The following ARHGAP35 variants were observed in gnomAD, a reference collection of about 807,000 sequenced individuals.
ARHGAP35 encodes the protein Rho GTPase activating protein 35, also known as rho GTPase-activating protein 35.
Under a neutral mutation model 111.1 loss-of-function variants are expected in ARHGAP35, and 15 were observed. The ratio of observed to expected loss-of-function variants is 0.13; its 90% CI spans 0.09 to 0.21. The LOEUF is 0.21. Ranked by LOEUF, ARHGAP35 falls within the 10% of genes least tolerant of loss-of-function variation. The pLI, the probability that ARHGAP35 is intolerant of heterozygous loss-of-function variation, is 1.00. For missense variants in ARHGAP35, 1,262 were observed against 1,873.0 expected (o/e 0.67, Z 6.02); for synonymous variants, 643 against 710.3 (o/e 0.91, Z 1.51).
chr19:46,902,979 G>A (rs183474876), intron 1 of ARHGAP35, among the ~76,000 whole-genome samples: 38 of 152,296 alleles, frequency 2.5e-4, no homozygotes, highest in African/African-American at 9.1e-4. Flanking sequence ...GATTATATAT[G>A]TTTCTGTGCC....
At position 46,922,447 on chromosome 19, in the gene ARHGAP35, TG is replaced by T. The variant is rs2056209104; in HGVS notation, c.3681+93del. ...ATGATTTTTCAAGGACAACCTATTC[TG>T]GTAAAAAAAAAACTGCCCTGTGTGT... On this transcript the variant is annotated intron_variant, in intron 2 of 6. Coordinates refer to ENST00000672722, the MANE Select transcript of ARHGAP35 (RefSeq NM_004491.5). This position sits in a 1 kb window ranked among gnomAD's most constrained non-coding sequence, Gnocchi z 4.0. The T allele has an allele frequency of 7.8e-7, 1 of 1,287,760 alleles. No homozygotes were observed. Among genetic ancestry groups the T allele is most frequent in the East Asian group, 2.6e-5 (1 of 38,652 alleles). 79.8% of individuals were successfully genotyped at this position (1,287,760 alleles called of 1,614,324 possible). A position where few individuals can be genotyped will look rare whatever the true frequency, so the allele number is the denominator to read the frequency against.
Position 46,864,927 on chromosome 19 carries a change from T to C in ARHGAP35, c.-189+3718T>C, listed in dbSNP as rs2055847156. The stretch of plus-strand genomic sequence containing the variant: ...CTGTGTATGCAGTACTGCTTAAATG[T>C]GTGTCCCAGAGTTTTAATATCATTG... On this transcript the variant is annotated intron_variant, in intron 1 of 6. Coordinates refer to ENST00000672722, the MANE Select transcript of ARHGAP35 (RefSeq NM_004491.5). 1.3e-5 allele frequency among the ~76,000 whole-genome samples: 2 copies of C among 152,342 alleles called. 1 individual carries two copies. Among genetic ancestry groups the C allele is most frequent in the South Asian group, 4.1e-4 (2 of 4,826 alleles).
chr19:46,959,709 CT>C (rs2056465847), intron 3 of ARHGAP35, among the ~76,000 whole-genome samples: 1 of 151,920 alleles, frequency 6.6e-6, no homozygotes, highest in South Asian at 2.1e-4. Context: ...CAAAAACCTC[CT>C]TTTTTAAATG....
intron 3 of ARHGAP35, among the ~76,000 whole-genome samples, chr19:46,976,451 C>T (rs746421527): frequency 1.1e-4 from 16 of 152,184 alleles, no homozygotes; most frequent in Non-Finnish European, 1.9e-4. Context: ...CCTGGCACAC[C>T]GCCTGGAGAG....
intron 3 of ARHGAP35, among the ~76,000 whole-genome samples, chr19:46,974,459 T>C (rs1335964482): frequency 6.6e-6 from 1 of 152,146 alleles, no homozygotes. Context: ...ACGCTTAACA[T>C]ACATTTGCTG....
intron 1 of ARHGAP35, among the ~76,000 whole-genome samples, chr19:46,863,734 AATT>A (rs1202242531): frequency 1.3e-5 from 2 of 152,006 alleles, no homozygotes; most frequent in African/African-American, 2.4e-5. Context: ...CCAGTTCTCA[AATT>A]ATCCCGATCC....
intron 1 of ARHGAP35, among the ~76,000 whole-genome samples, chr19:46,894,589 G>A (rs766970156): frequency 2.6e-5 from 4 of 151,852 alleles, no homozygotes; most frequent in Non-Finnish European, 5.9e-5. Context: ...GGGACTACAG[G>A]TATGTGCCAC....
At chr19:46,964,569 T>G (rs1221127798) in intron 3 of ARHGAP35, among the ~76,000 whole-genome samples, 1 of 152,214 alleles carries the variant, frequency 6.6e-6, no homozygotes, top group Non-Finnish European at 1.5e-5. Flanking sequence ...GTGGCATCAT[T>G]CTTTAAGTCT....
At chr19:46,958,690 C>T (rs901832014) in intron 3 of ARHGAP35, among the ~76,000 whole-genome samples, 2 of 152,200 alleles carry the variant, frequency 1.3e-5, no homozygotes, top group African/African-American at 2.4e-5. Flanking sequence ...CAGATGGGAT[C>T]TGAGGAAGGC....
rs2056241775 is a variant in ARHGAP35 at position 46,926,913 on chromosome 19, G to A, written c.3681+4557G>A. On this transcript the variant is annotated intron_variant, in intron 2 of 6. Transcript: ENST00000672722. The surrounding 1 kb of genome is among the most constrained non-coding windows in gnomAD (Gnocchi z 4.1). ...TTCTAGTGTGAATAAAAACCAGCTG[G>A]GGAATTGGACTGCTTGCTCCCCTGG... Among the ~76,000 whole-genome samples, 1 of 152,180 alleles carries A rather than the reference G, an allele frequency of 6.6e-6. No individual in the cohort carries two copies. Among genetic ancestry groups the A allele is most frequent in the Non-Finnish European group, 1.5e-5 (1 of 68,038 alleles).
rs374017366 is a variant in ARHGAP35, at chr19:46,892,702, T to C, written c.-188-25786T>C. On this transcript the variant is annotated intron_variant, in intron 1 of 6. Coordinates refer to ENST00000672722, the MANE Select transcript of ARHGAP35 (RefSeq NM_004491.5). ...GTGGGACAAGTATAAAGGAAAGTGG[T>C]ATCAGGAGGAAGTAAGAAGTAAGAA... 2.0e-5 allele frequency among the ~76,000 whole-genome samples: 3 copies of C among 150,122 alleles called. No individual in the cohort carries two copies. In the East Asian group the frequency reaches 5.9e-4, roughly 29 times the overall value.
intron 1 of ARHGAP35, among the ~76,000 whole-genome samples, chr19:46,892,123 TAAAAAAAAAAA>T (rs1178888092): frequency 1.9e-5 from 1 of 53,894 alleles, no homozygotes; most frequent in African/African-American, 7.4e-5. Context: ...CTGTCTCTAC[TAAAAAAAAAAA>T]AAAAAAAAAA....
Position 46,918,540 on chromosome 19 carries a change from G to C in ARHGAP35, c.-136G>C. 1.3e-6 allele frequency: 1 copy of C among 767,398 alleles called. No homozygotes were observed. Among genetic ancestry groups the C allele is most frequent in the Non-Finnish European group, 2.2e-6 (1 of 462,266 alleles). The allele number at this position is 767,398 out of a possible 1,614,324, so 47.5% of individuals were successfully genotyped here. A position where few individuals can be genotyped will look rare whatever the true frequency, so the allele number is the denominator to read the frequency against. ...GAGGTGGTGAACAGTGACCATACTGGTATACAACACTATGGGACCTGGCAT... is the reference window on the plus strand; with the variant it reads ...GAGGTGGTGAACAGTGACCATACTGCTATACAACACTATGGGACCTGGCAT... On this transcript the variant is annotated 5_prime_UTR_variant, in exon 2 of 7. Coordinates refer to ENST00000672722, the MANE Select transcript of ARHGAP35 (RefSeq NM_004491.5). The surrounding 1 kb of genome is among the most constrained non-coding windows in gnomAD (Gnocchi z 5.4).
chr19:46,953,772 T>C (rs2056424792), intron 3 of ARHGAP35, among the ~76,000 whole-genome samples: 1 of 152,172 alleles, frequency 6.6e-6, no homozygotes, highest in Non-Finnish European at 1.5e-5. Context: ...GCTGGAAGAA[T>C]TCAGCACAGT....
intron 1 of ARHGAP35, among the ~76,000 whole-genome samples, chr19:46,915,395 CGT>C (rs2056157441): frequency 1.3e-5 from 2 of 152,070 alleles, no homozygotes; most frequent in African/African-American, 4.8e-5. Context: ...TTGCATACTA[CGT>C]CTAGTCACAT....
chr19:46,899,628 AGGT>A lies in ARHGAP35; in HGVS notation c.-188-18859_-188-18857del, dbSNP rs142059106. On this transcript the variant is annotated intron_variant, in intron 1 of 6. Coordinates refer to ENST00000672722, the MANE Select transcript of ARHGAP35 (RefSeq NM_004491.5). Reference sequence around the variant, plus strand: ...AGCGGGAGGATCGCTTGAGCCTGGGAGGTTGAGGCTGTGGTGAGCCATAATCGC... The same window carrying A: ...AGCGGGAGGATCGCTTGAGCCTGGGATGAGGCTGTGGTGAGCCATAATCGC... 8.4e-3 allele frequency among the ~76,000 whole-genome samples: 1,273 copies of A among 151,348 alleles called. 15 individuals carry two copies. Among genetic ancestry groups the A allele is most frequent in the African/African-American group, 0.03 (1,223 of 41,272 alleles).
chr19:46,931,416 C>T (rs1410771730), intron 2 of ARHGAP35, among the ~76,000 whole-genome samples: 1 of 152,104 alleles, frequency 6.6e-6, no homozygotes, highest in African/African-American at 2.4e-5. Context: ...ACTGGGCTTA[C>T]AGCCGAGTGG....
intron 5 of ARHGAP35, chr19:46,997,382 G>C (rs987383458): frequency 1.3e-5 from 2 of 152,148 alleles, no homozygotes; most frequent in African/African-American, 4.8e-5. Context: ...AGAGCTCCTG[G>C]AGCTCTGTCC....
intron 1 of ARHGAP35, among the ~76,000 whole-genome samples, chr19:46,883,274 T>G (rs76994221): frequency 0.021 from 3,223 of 151,694 alleles, 96 homozygotes; most frequent in African/African-American, 0.07. Context: ...TTTTTTTTTT[T>G]TTGTTAGTAG....
Sources: allele counts gnomAD v4.1 joint callset (sites outside exome capture counted in the v4.1 genomes callset), GRCh38; gene constraint gnomAD v4.1.1; non-coding constraint Gnocchi (gnomAD v3.1); transcripts MANE v1.5; gene names NCBI Gene and HGNC (gene_info 2026-07-23, HGNC 2026-07-21).